The following TERT variants were observed in gnomAD, a reference collection of about 807,000 sequenced individuals.
TERT encodes telomerase catalytic subunit.
In TERT, 42 loss-of-function variants were observed where a neutral mutation model predicts 104.0. That is an observed-to-expected ratio of 0.40 (90% confidence interval 0.32 to 0.52). TERT has a LOEUF of 0.52. Ranked by LOEUF, TERT falls within the 20% of genes least tolerant of loss-of-function variation. The pLI is 0.43. For missense variants in TERT, 1,101 were observed against 1,610.3 expected (o/e 0.68, Z 5.41); for synonymous variants, 781 against 725.6 (o/e 1.08, Z -1.23).
chr5:1,290,258 G>A (rs71575517), intron 2 of TERT, among the ~76,000 whole-genome samples: 35 of 33,368 alleles, frequency 1.0e-3, no homozygotes, highest in African/African-American at 2.7e-3. Context: ...ACACCCGGGG[G>A]CCGTGCCTCA....
chr5:1,281,717 C>T (rs761024938), intron 3 of TERT, among the ~76,000 whole-genome samples: 5 of 152,338 alleles, frequency 3.3e-5, no homozygotes, highest in Non-Finnish European at 7.3e-5. Context: ...TGCAGTGAGT[C>T]GCCAAGTGGG....
intron 12 of TERT, among the ~76,000 whole-genome samples, chr5:1,259,614 A>AG: frequency 8.9e-6 from 1 of 112,426 alleles, no homozygotes; most frequent in African/African-American, 3.5e-5. Context: ...CCCACAGGAG[A>AG]GGGGGAGTGG....
Position 1,256,771 on chromosome 5 carries a change from C to A in TERT, c.3033-1360G>T, listed in dbSNP as rs1579545624. 6.6e-6 allele frequency among the ~76,000 whole-genome samples: 1 copy of A among 152,340 alleles called. No homozygotes were observed. The highest frequency in any genetic ancestry group is 2.1e-4 in the South Asian group (1 of 4,828). On this transcript the variant is annotated intron_variant, in intron 13 of 15. Transcript: ENST00000310581. The surrounding 1 kb of genome is among the most constrained non-coding windows in gnomAD (Gnocchi z 7.0). ...CTAAGGTCCCGGGGTTGCCACACGG[C>A]CACGCTCCTGACCCAGGAGGGAAAC... is the stretch of plus-strand genomic sequence containing the variant.
intron 15 of TERT, 94 bp from the exon 16 acceptor site, chr5:1,253,925 C>T: frequency 7.3e-7 from 1 of 1,371,842 alleles, no homozygotes; most frequent in Non-Finnish European, 1.0e-6. Context: ...CAGGCAGGGC[C>T]TGCACCTCGT....
intron 10 of TERT, among the ~76,000 whole-genome samples, chr5:1,264,821 T>C (rs1481268719): frequency 6.6e-6 from 1 of 152,160 alleles, no homozygotes; most frequent in Non-Finnish European, 1.5e-5. Context: ...GAACCTGGCC[T>C]GGACCCGGGA....
At chr5:1,279,908 G>A (rs1749899768) in intron 4 of TERT, among the ~76,000 whole-genome samples, 3 of 152,192 alleles carry the variant, frequency 2.0e-5, no homozygotes, top group African/African-American at 7.2e-5. Context: ...TCCAGGCCCT[G>A]GCCCGGCTGC....
At chr5:1,283,371 T>C (rs7717443) in intron 2 of TERT, among the ~76,000 whole-genome samples, 58,588 of 96,410 alleles carry the variant, frequency 0.61, 14,630 homozygotes, top group Admixed American at 0.68. Context: ...CTGCACCATC[T>C]GGATACAGCA....
At chr5:1,267,579 C>T (rs977521955) in intron 9 of TERT, among the ~76,000 whole-genome samples, 2 of 152,328 alleles carry the variant, frequency 1.3e-5, no homozygotes, top group East Asian at 3.9e-4. Context: ...GACTTGCAAC[C>T]AACCCAAATG....
At position 1,282,575 on chromosome 5, in the gene TERT, C is replaced by T; in HGVS notation, c.1623G>A (p.Leu541=). 6.2e-7 allele frequency: 1 copy of T among 1,614,136 alleles called. No homozygotes were observed. The highest frequency in any genetic ancestry group is 8.5e-7 in the Non-Finnish European group (1 of 1,180,034). The part of the protein sequence containing the change: ...AAEHRLREEI[L]AKFLHWLMSV... ...TCATCAGCCAGTGCAGGAACTTGGCCAGGATCTCCTCACGCAGACGGTGCT... is the reference window on the plus strand; with the variant it reads ...TCATCAGCCAGTGCAGGAACTTGGCTAGGATCTCCTCACGCAGACGGTGCT... Residue 541 remains leucine (L), a synonymous_variant, in exon 3 of 16, where the codon CTG becomes CTA. Transcript: ENST00000310581.
In TERT at chr5:1,256,981, C is replaced by T. The variant is rs1333946165; in HGVS notation, c.3033-1570G>A. ...ACCACCACAGCCTCGCCCACTGCAG[C>T]CTGGCTGCCGTGAAATCGGGGCCCA... On this transcript the variant is annotated intron_variant, in intron 13 of 15. Coordinates refer to ENST00000310581, the MANE Select transcript of TERT (RefSeq NM_198253.3). The surrounding 1 kb of genome is among the most constrained non-coding windows in gnomAD (Gnocchi z 7.0). Among the ~76,000 whole-genome samples the T allele has an allele frequency of 6.6e-6, 1 of 152,188 alleles. No homozygotes were observed. Among genetic ancestry groups the T allele is most frequent in the Non-Finnish European group, 1.5e-5 (1 of 68,032 alleles).
chr5:1,256,645 C>G lies in TERT; in HGVS notation c.3033-1234G>C, dbSNP rs1291362244. ...GATCACACCAGTCAAGCCAGCACCC[C>G]GGTTTCAGCCTCTCAGTAACTCTGC... is the stretch of plus-strand genomic sequence containing the variant. On this transcript the variant is annotated intron_variant, in intron 13 of 15. Transcript: ENST00000310581. The surrounding 1 kb of genome is among the most constrained non-coding windows in gnomAD (Gnocchi z 7.0). Among the ~76,000 whole-genome samples, 1 of 152,170 alleles carries G rather than the reference C, an allele frequency of 6.6e-6. No individual in the cohort carries two copies. Among genetic ancestry groups the G allele is most frequent in the Admixed American group, 6.5e-5 (1 of 15,288 alleles).
At position 1,261,841 on chromosome 5, in the gene TERT, T is replaced by C. The variant is rs373731605; in HGVS notation, c.2844-1241A>G. 6.6e-6 allele frequency among the ~76,000 whole-genome samples: 1 copy of C among 152,334 alleles called. No homozygotes were observed. Among genetic ancestry groups the C allele is most frequent in the South Asian group, 2.1e-4 (1 of 4,830 alleles). The stretch of plus-strand genomic sequence containing the variant: ...CAGGAGGCCAGGCTGCAATCATGCA[T>C]GCCCTTTGCCAGCTGGGTGACCAAG... On this transcript the variant is annotated intron_variant, in intron 11 of 15. Transcript: ENST00000310581. The surrounding 1 kb of genome is among the most constrained non-coding windows in gnomAD (Gnocchi z 7.4).
In TERT at chr5:1,287,733, AT is replaced by A. The variant is rs746033031; in HGVS notation, c.1574-5110del. Among the ~76,000 whole-genome samples the A allele has an allele frequency of 1.3e-5, 2 of 152,060 alleles. No homozygotes were observed. The highest frequency in any genetic ancestry group is 2.9e-5 in the Non-Finnish European group (2 of 68,014). ...CATAAATGCTACCAAACGAGAAGAA[AT>A]GAACAGACCCATCCCCCAGGTGAGG... On this transcript the variant is annotated intron_variant, in intron 2 of 15. Transcript: ENST00000310581. This position sits in a 1 kb window ranked among gnomAD's most constrained non-coding sequence, Gnocchi z 4.3.
intron 3 of TERT, among the ~76,000 whole-genome samples, chr5:1,281,290 C>T (rs1270974936): frequency 6.6e-6 from 1 of 152,232 alleles, no homozygotes; most frequent in Admixed American, 6.5e-5. Flanking sequence ...GGAAATGGCC[C>T]CAGCACCACG....
At position 1,282,512 on chromosome 5, in the gene TERT, A is replaced by C; in HGVS notation, c.1686T>G (p.Tyr562Ter). ...YVVELLRSFF[Y>*]VTETTFQKNR... Reference sequence around the variant, plus strand: ...TCTTTTGAAACGTGGTCTCCGTGACATAAAAGAAAGACCTGAGCAGCTCGA... The same window carrying C: ...TCTTTTGAAACGTGGTCTCCGTGACCTAAAAGAAAGACCTGAGCAGCTCGA... Residue 562 changes from tyrosine (Y) to a stop codon, truncating the protein, a stop_gained, in exon 3 of 16, where the codon TAT becomes TAG. Coordinates refer to ENST00000310581, the MANE Select transcript of TERT (RefSeq NM_198253.3). LOFTEE classifies it high-confidence loss of function. The C allele has an allele frequency of 6.2e-7, 1 of 1,614,196 alleles. No individual in the cohort carries two copies. The highest frequency in any genetic ancestry group is 8.5e-7 in the Non-Finnish European group (1 of 1,180,040).
chr5:1,274,241 C>T lies in TERT; in HGVS notation c.2287-1961G>A, dbSNP rs576430012. 3.9e-5 allele frequency among the ~76,000 whole-genome samples: 6 copies of T among 152,346 alleles called. No individual in the cohort carries two copies. The South Asian group carries it at 1.0e-3, about 26-fold the overall frequency. On this transcript the variant is annotated intron_variant, in intron 6 of 15. Transcript: ENST00000310581. This position sits in a 1 kb window ranked among gnomAD's most constrained non-coding sequence, Gnocchi z 5.3. The stretch of plus-strand genomic sequence containing the variant: ...CAACCCTGAGAACCAACCTGGAAGG[C>T]AGTAACAGGAAGGTACATGGGGCCT...
Position 1,294,344 on chromosome 5 carries a change from G to T in TERT, c.542C>A (p.Ala181Asp). 6.3e-7 allele frequency: 1 copy of T among 1,577,162 alleles called. No individual in the cohort carries two copies. The change falls in exon 2 of 16, where the codon GCC becomes GAC. Residue 181 changes from alanine to aspartate, a missense_variant. Ala to Asp is a moderately radical substitution (Grantham distance 126). This residue lies in a region of TERT where 504 missense variants were observed against 544.6 expected (regional missense o/e 0.93). Coordinates refer to ENST00000310581, the MANE Select transcript of TERT (RefSeq NM_198253.3). ...GTGTGGCGGGGGCCGGGCCTGAGTGGCAGCGCCGAGCTGGTACAGCGGCGG... is the reference window on the plus strand; with the variant it reads ...GTGTGGCGGGGGCCGGGCCTGAGTGTCAGCGCCGAGCTGGTACAGCGGCGG... ...CGPPLYQLGA[A>D]TQARPPPHAS...
At position 1,278,801 on chromosome 5, in the gene TERT, G is replaced by T. The variant is rs1749799813; in HGVS notation, c.2131-5C>A. On this transcript the variant is annotated splice_region_variant and splice_polypyrimidine_tract_variant and intron_variant, in intron 5 of 15. Coordinates refer to ENST00000310581, the MANE Select transcript of TERT (RefSeq NM_198253.3). ...GTACGCGCCCGTCACATCCACCTGT[G>T]TGAGTGGAGGCGAGGAGACTGACAG... 6.2e-7 allele frequency: 1 copy of T among 1,613,674 alleles called. No homozygotes were observed. Among genetic ancestry groups the T allele is most frequent in the Admixed American group, 1.7e-5 (1 of 60,010 alleles).
At chr5:1,279,113 C>T (rs559082832) in intron 5 of TERT, among the ~76,000 whole-genome samples, 178 bp downstream of exon 5, 1 of 152,336 alleles carries the variant, frequency 6.6e-6, no homozygotes, top group South Asian at 2.1e-4. Context: ...GCCCCATGTG[C>T]TGCAGGAAAG....
Sources: allele counts gnomAD v4.1 joint callset (sites outside exome capture counted in the v4.1 genomes callset), GRCh38; gene constraint gnomAD v4.1.1; regional missense constraint gnomAD v4.1.1; non-coding constraint Gnocchi (gnomAD v3.1); transcripts MANE v1.5; gene names NCBI Gene and HGNC (gene_info 2026-07-23, HGNC 2026-07-21).